The following NKAIN2 variants were observed in gnomAD, a reference collection of about 807,000 sequenced individuals.
The protein encoded by NKAIN2 is sodium/potassium transporting ATPase interacting 2.
NKAIN2 carries 14 observed loss-of-function variants against 32.6 expected under a neutral mutation model. That is an observed-to-expected ratio of 0.43 (90% CI 0.28 to 0.67). The LOEUF (loss-of-function observed/expected upper bound fraction) is 0.67. NKAIN2 is among the 30% of genes least tolerant of loss of function. NKAIN2 has a pLI of 0.17. For missense variants in NKAIN2, 198 were observed against 258.3 expected, an observed-to-expected ratio of 0.77 and a Z score of 1.60; for synonymous variants, 80 against 87.2, an observed-to-expected ratio of 0.92 and a Z score of 0.46.
intron 2 of NKAIN2, among the ~76,000 whole-genome samples, chr6:124,283,775 C>T (rs369061021): frequency 2.6e-5 from 4 of 152,122 alleles, no homozygotes; most frequent in African/African-American, 9.6e-5. Flanking sequence ...TTTGTATGTG[C>T]CTCAGATCTC....
At chr6:124,798,003 ACCTTCCTT>A (rs753284861) in intron 5 of NKAIN2, among the ~76,000 whole-genome samples, 2 of 151,276 alleles carry the variant, frequency 1.3e-5, no homozygotes, top group East Asian at 1.9e-4. Flanking sequence ...CTGCCTTCTT[ACCTTCCTT>A]CCTTCCTTCC....
At chr6:123,969,301 T>G (rs1778231039) in intron 1 of NKAIN2, among the ~76,000 whole-genome samples, 1 of 152,156 alleles carries the variant, frequency 6.6e-6, no homozygotes, top group Non-Finnish European at 1.5e-5. Context: ...ACATATATTT[T>G]TATAAGGAAT....
Position 123,867,878 on chromosome 6 carries a change from T to G in NKAIN2, c.54+63624T>G, listed in dbSNP as rs548947272. ...ACTGGGTTCATTTTTTTTTTTTTTTTTTTTGTTTCAGACAGAGTCTTGCTC... is the reference window on the plus strand; with the variant it reads ...ACTGGGTTCATTTTTTTTTTTTTTTGTTTTGTTTCAGACAGAGTCTTGCTC... On this transcript the variant is annotated intron_variant, in intron 1 of 6. Transcript: ENST00000368417. Among the ~76,000 whole-genome samples the G allele has an allele frequency of 2.1e-3, 323 of 151,016 alleles. 1 individual carries two copies. The highest frequency in any genetic ancestry group is 7.3e-3 in the African/African-American group (298 of 40,998).
At chr6:123,829,430 A>G (rs1774284103) in intron 1 of NKAIN2, 1 of 152,208 alleles carries the variant, frequency 6.6e-6, no homozygotes, top group Non-Finnish European at 1.5e-5. Flanking sequence ...CATTGGTATA[A>G]CATGATAAAA....
intron 1 of NKAIN2, among the ~76,000 whole-genome samples, chr6:123,943,826 C>A (rs1176682914): frequency 6.6e-6 from 1 of 151,984 alleles, no homozygotes; most frequent in Non-Finnish European, 1.5e-5. Context: ...AGGGTCAGAA[C>A]ACTTTAGTTT....
intron 3 of NKAIN2, among the ~76,000 whole-genome samples, chr6:124,451,328 A>G (rs1776099103): frequency 6.6e-6 from 1 of 152,276 alleles, no homozygotes; most frequent in African/African-American, 2.4e-5. Context: ...TTTAAAAATC[A>G]CTAATATATC....
chr6:124,415,055 G>A (rs1180089514), intron 3 of NKAIN2, among the ~76,000 whole-genome samples: 1 of 151,960 alleles, frequency 6.6e-6, no homozygotes, highest in Non-Finnish European at 1.5e-5. Context: ...AAATATTTGG[G>A]GATTTCTCTC....
chr6:124,311,396 T>A (rs1413344623), intron 2 of NKAIN2, among the ~76,000 whole-genome samples: 1 of 152,164 alleles, frequency 6.6e-6, no homozygotes, highest in Non-Finnish European at 1.5e-5. Context: ...GTTTCCCCAC[T>A]TGTACAAACC....
At chr6:124,562,419 G>T (rs1780729995) in intron 3 of NKAIN2, among the ~76,000 whole-genome samples, 1 of 152,110 alleles carries the variant, frequency 6.6e-6, no homozygotes, top group African/African-American at 2.4e-5. Flanking sequence ...ATTTTTCATA[G>T]AAGAAAATAA....
rs959596443 is a variant in NKAIN2 at position 124,522,869 on chromosome 6, C to T, written c.274-135317C>T. On this transcript the variant is annotated intron_variant, in intron 3 of 6. Transcript: ENST00000368417. ...TAAGAAAAAAAGATCTTTGGCCGGG[C>T]GCGGTGGCTCACGCCTGTAATCCCA... 1.8e-4 allele frequency among the ~76,000 whole-genome samples: 27 copies of T among 151,894 alleles called. 1 individual carries two copies. Among genetic ancestry groups the T allele is most frequent in the Admixed American group, 6.6e-5 (1 of 15,262 alleles).
chr6:124,701,991 T>C lies in NKAIN2; in HGVS notation c.474+43605T>C, dbSNP rs951855555. ...ACAGTGAGCCCATAAAGGAGAACTA[T>C]GCAGATTCAAAGACTTTGGACATGG... On this transcript the variant is annotated intron_variant, in intron 4 of 6. Coordinates refer to ENST00000368417, the MANE Select transcript of NKAIN2 (RefSeq NM_001040214.3). Among the ~76,000 whole-genome samples the C allele has an allele frequency of 4.9e-4, 74 of 152,116 alleles. 1 individual carries two copies. Among genetic ancestry groups the C allele is most frequent in the African/African-American group, 1.7e-3 (69 of 41,450 alleles).
chr6:124,063,263 A>G (rs1479211394), intron 1 of NKAIN2, among the ~76,000 whole-genome samples: 1 of 152,130 alleles, frequency 6.6e-6, no homozygotes, highest in Non-Finnish European at 1.5e-5. Context: ...ATTTCAAGAA[A>G]TTGAACTCCA....
intron 1 of NKAIN2, among the ~76,000 whole-genome samples, chr6:124,188,111 C>T (rs769005762): frequency 1.3e-4 from 20 of 152,100 alleles, no homozygotes; most frequent in Non-Finnish European, 1.9e-4. Context: ...GATGAAAATG[C>T]GCCACAGTTC....
In NKAIN2 at chr6:124,823,228, A is replaced by G; in HGVS notation, c.626A>G (p.Ter209=). 1 of 1,596,414 alleles carries G rather than the reference A, an allele frequency of 6.3e-7. No individual in the cohort carries two copies. Among genetic ancestry groups the G allele is most frequent in the Non-Finnish European group, 8.6e-7 (1 of 1,163,612 alleles). ...LQLQPMYMSK[*] ...TCTTTTCTCTCTCTCAGGTCAAAAT[A>G]ATACAGATGACTTCAGTATGTCAGC... is the stretch of plus-strand genomic sequence containing the variant. The change falls in exon 7 of 7, where the codon TAA becomes TGA. Residue 209 remains the stop codon, a stop_retained_variant. Transcript: ENST00000368417.
chr6:124,513,013 C>T (rs1372802570), intron 3 of NKAIN2, among the ~76,000 whole-genome samples: 1 of 151,868 alleles, frequency 6.6e-6, no homozygotes, highest in Non-Finnish European at 1.5e-5. Flanking sequence ...GGTGTTTTTC[C>T]AACTGTGTTT....
chr6:123,978,970 A>G (rs1562289530), intron 1 of NKAIN2, among the ~76,000 whole-genome samples: 1 of 152,176 alleles, frequency 6.6e-6, no homozygotes. Context: ...CATTGCATTT[A>G]AGAAAGGGTT....
Position 124,157,260 on chromosome 6 carries a change from CACACACAT to C in NKAIN2, c.55-125737_55-125730del, listed in dbSNP as rs1172296401. 7.0e-3 allele frequency among the ~76,000 whole-genome samples: 678 copies of C among 97,398 alleles called. 5 individuals are homozygous for C. The highest frequency in any genetic ancestry group is 8.6e-3 in the African/African-American group (271 of 31,562). 63.9% of individuals were successfully genotyped at this position (97,398 alleles called of 152,430 possible). A position where few individuals can be genotyped will look rare whatever the true frequency, so the allele number is the denominator to read the frequency against. Reference sequence around the variant, plus strand: ...AGGTGTGTCATAATGGACACACACACACACACATACACACACACACACACACACAGCAT... The same window carrying C: ...AGGTGTGTCATAATGGACACACACACACACACACACACACACACACAGCAT... On this transcript the variant is annotated intron_variant, in intron 1 of 6. Transcript: ENST00000368417.
intron 3 of NKAIN2, among the ~76,000 whole-genome samples, chr6:124,599,153 C>G (rs951074936): frequency 4.6e-5 from 7 of 151,772 alleles, no homozygotes; most frequent in Admixed American, 1.3e-4. Context: ...TGATTACTTC[C>G]TGTCTTTGGT....
At chr6:124,637,281 A>G (rs1462654511) in intron 3 of NKAIN2, among the ~76,000 whole-genome samples, 1 of 152,070 alleles carries the variant, frequency 6.6e-6, no homozygotes, top group Non-Finnish European at 1.5e-5. Context: ...TACAAATAAC[A>G]TCACACCTAA....
Sources: gnomAD v4.1 joint callset for allele counts (sites outside exome capture counted in the v4.1 genomes callset) on GRCh38, gnomAD v4.1.1 for gene constraint, MANE v1.5 for transcripts, NCBI Gene and HGNC (gene_info 2026-07-23, HGNC 2026-07-21) for gene names.